PSMG2: variants seen among roughly 807,000 people sequenced by gnomAD.
PSMG2 encodes the protein CD40 ligand-activated specific transcript 3.
Under a neutral mutation model 31.5 loss-of-function variants are expected in PSMG2, and 21 were observed. That is an observed-to-expected ratio of 0.67 (90% CI 0.47 to 0.96). The LOEUF is 0.96. Among genes scored for constraint, PSMG2 ranks in the 40% least tolerant of loss-of-function variants. The pLI is 0.00. For synonymous variants in PSMG2, 120 were observed against 110.4 expected, an observed-to-expected ratio of 1.09 and a Z score of -0.54; for missense variants, 318 against 321.2, an observed-to-expected ratio of 0.99 and a Z score of 0.08.
chr18:12,703,090 G>A lies in PSMG2; in HGVS notation c.-18G>A, dbSNP rs776929409. 1.9e-5 allele frequency: 30 copies of A among 1,611,272 alleles called. No homozygotes were observed. The highest frequency in any genetic ancestry group is 2.5e-5 in the Non-Finnish European group (30 of 1,179,130). ...GCCAGGGCCGCGGTTAGTCCCTGCT[G>A]GCCACCCCACTGCGACCATGTTCGT... is the stretch of plus-strand genomic sequence containing the variant. On this transcript the variant is annotated 5_prime_UTR_variant, in exon 1 of 7. Transcript: ENST00000317615.
chr18:12,668,321 G>A (rs958939254), intron 1 of PSMG2, among the ~76,000 whole-genome samples: 1 of 151,824 alleles, frequency 6.6e-6, no homozygotes, highest in Non-Finnish European at 1.5e-5. Context: ...GCTGGGTGCC[G>A]TCGCAGATGC....
At chr18:12,661,160 T>C (rs1171056335) in intron 1 of PSMG2, among the ~76,000 whole-genome samples, 1 of 151,840 alleles carries the variant, frequency 6.6e-6, no homozygotes, top group Non-Finnish European at 1.5e-5. Flanking sequence ...ATACAAAAAT[T>C]AGCTGGGCAT....
intron 1 of PSMG2, among the ~76,000 whole-genome samples, 158 bp from the exon 2 acceptor site, chr18:12,706,392 C>T (rs528764060): frequency 6.6e-6 from 1 of 152,314 alleles, no homozygotes; most frequent in East Asian, 1.9e-4. Context: ...GAGGCTGAGG[C>T]AGGAGAATTG....
chr18:12,675,644 AAAC>A (rs1198006346), intron 1 of PSMG2, among the ~76,000 whole-genome samples: 6 of 152,072 alleles, frequency 3.9e-5, no homozygotes, highest in African/African-American at 1.2e-4. Context: ...GGAATGTTAA[AAAC>A]AACATGATTC....
At position 12,682,642 on chromosome 18, in the gene PSMG2, T is replaced by C. The variant is rs191738078; in HGVS notation, c.-37+23869T>C. 4.1e-3 allele frequency among the ~76,000 whole-genome samples: 615 copies of C among 151,550 alleles called. 4 individuals carry two copies. The highest frequency in any genetic ancestry group is 6.0e-3 in the Non-Finnish European group (408 of 67,804). On this transcript the variant is annotated intron_variant, in intron 1 of 6. Transcript: ENST00000585331. ...TTTATTTTTTAATTTACTTTTTTCT[T>C]TTTTGAGACAGAGTCTCGCTCTGTC...
At chr18:12,695,383 T>C in intron 1 of PSMG2, 1 of 1,061,938 alleles carries the variant, frequency 9.4e-7, no homozygotes, top group Middle Eastern at 2.9e-4. Flanking sequence ...ACTTCAGAGA[T>C]TTCAATACTA....
chr18:12,702,450 G>C (rs776666703), upstream of PSMG2: 2 of 1,513,938 alleles, frequency 1.3e-6, no homozygotes, highest in Admixed American at 1.7e-5. Flanking sequence ...GTTATGGGTC[G>C]GCCCGGCGGT....
chr18:12,681,452 G>A (rs750747495), intron 1 of PSMG2, among the ~76,000 whole-genome samples: 33 of 151,738 alleles, frequency 2.2e-4, no homozygotes, highest in Non-Finnish European at 4.3e-4. Flanking sequence ...GTCTTACTGT[G>A]TTACCCAGGC....
chr18:12,690,721 C>T (rs2039724291), intron 1 of PSMG2, among the ~76,000 whole-genome samples: 1 of 152,154 alleles, frequency 6.6e-6, no homozygotes. Flanking sequence ...TCCCCAAGTG[C>T]TGGGATTACA....
intron 1 of PSMG2, among the ~76,000 whole-genome samples, chr18:12,683,892 AAATAT>A (rs1326698306): frequency 2.0e-5 from 3 of 151,938 alleles, no homozygotes; most frequent in Non-Finnish European, 2.9e-5. Flanking sequence ...ACAGCAGAAA[AAATAT>A]AAAAAGAAAT....
chr18:12,716,498 A>C (rs1374457121), intron 3 of PSMG2, among the ~76,000 whole-genome samples: 10 of 144,072 alleles, frequency 6.9e-5, no homozygotes, highest in African/African-American at 2.6e-4. Context: ...GGTTCACGCC[A>C]CTCTCCTGCC....
chr18:12,663,712 G>A (rs1313189300), intron 1 of PSMG2, among the ~76,000 whole-genome samples: 1 of 152,164 alleles, frequency 6.6e-6, no homozygotes, highest in African/African-American at 2.4e-5. Flanking sequence ...CTTTGCTGAT[G>A]AGACAATGCA....
upstream of PSMG2, chr18:12,702,712 T>G: frequency 1.4e-6 from 1 of 735,952 alleles, no homozygotes; most frequent in Non-Finnish European, 2.1e-6. Flanking sequence ...GGCCGGGGGC[T>G]GACCTGGAAA....
chr18:12,703,477 T>C (rs2040223062), intron 1 of PSMG2, among the ~76,000 whole-genome samples: 1 of 152,222 alleles, frequency 6.6e-6, no homozygotes, highest in South Asian at 2.1e-4. Context: ...TCCTAGAAAG[T>C]CTTTCTACGA....
Position 12,691,475 on chromosome 18 carries a change from G to A in PSMG2, c.-36-15075G>A, listed in dbSNP as rs1439661295. ...CGCTCTTTCTCTGCAGTTTTCTGACGTTCCAAAGCAAGCTTGAAATTGAAA... is the reference window on the plus strand; with the variant it reads ...CGCTCTTTCTCTGCAGTTTTCTGACATTCCAAAGCAAGCTTGAAATTGAAA... On this transcript the variant is annotated intron_variant, in intron 1 of 6. Coordinates refer to the PSMG2 transcript ENST00000585331. 8 of 1,591,468 alleles carry A rather than the reference G, an allele frequency of 5.0e-6. No individual in the cohort carries two copies. Among genetic ancestry groups the A allele is most frequent in the South Asian group, 1.2e-5 (1 of 85,980 alleles).
intron 1 of PSMG2, among the ~76,000 whole-genome samples, chr18:12,692,655 C>T (rs2039809803): frequency 6.6e-6 from 1 of 152,158 alleles, no homozygotes; most frequent in Non-Finnish European, 1.5e-5. Flanking sequence ...ACACCTTCTA[C>T]TATCTGATTA....
intron 1 of PSMG2, chr18:12,691,186 A>G: frequency 2.2e-6 from 1 of 444,858 alleles, no homozygotes; most frequent in Non-Finnish European, 3.9e-6. Context: ...ACATAGATTG[A>G]TCTTGCCACT....
At chr18:12,705,061 T>C (rs118033351) in intron 1 of PSMG2, among the ~76,000 whole-genome samples, 2,246 of 152,158 alleles carry the variant, frequency 0.015, 25 homozygotes, top group South Asian at 0.061. Flanking sequence ...TTGAATAATA[T>C]TGAACTTTTT....
chr18:12,687,972 G>A (rs1484876245), intron 1 of PSMG2, among the ~76,000 whole-genome samples: 1 of 151,854 alleles, frequency 6.6e-6, no homozygotes, highest in East Asian at 1.9e-4. Flanking sequence ...GGCTGGGCAC[G>A]GTGGCTCACG....
Sources: allele counts gnomAD v4.1 joint callset (sites outside exome capture counted in the v4.1 genomes callset), GRCh38; gene constraint gnomAD v4.1.1; transcripts MANE v1.5; gene names NCBI Gene and HGNC (gene_info 2026-07-23, HGNC 2026-07-21).